Variants in PNMA8B observed in about 807,000 individuals in gnomAD.
The protein encoded by PNMA8B is PNMA family member 8B.
For synonymous variants in PNMA8B, 386 were observed against 394.9 expected, an observed-to-expected ratio of 0.98 and a Z score of 0.27; for missense variants, 887 against 885.8, an observed-to-expected ratio of 1.00 and a Z score of -0.02.
chr19:46,493,869 G>C lies in PNMA8B; in HGVS notation c.1597C>G (p.Pro533Ala). ...SEPEDRASRK[P>A]RAKRARTAPR... is the part of the protein sequence containing the mutation. ...GCCGTGCGCGCCCTCTTGGCCCGGG[G>C]CTTCCTGGATGCCCTGTCCTCCGGC... Residue 533 changes from proline (P) to alanine (A), a missense_variant, in exon 1 of 1, where the codon CCC becomes GCC. By Grantham distance (27) the Pro-to-Ala change is conservative (BLOSUM62 -1). Transcript: ENST00000599531. The surrounding 1 kb of genome is among the most constrained non-coding windows in gnomAD (Gnocchi z 5.3). 1 of 1,526,442 alleles carries C rather than the reference G, an allele frequency of 6.6e-7. No homozygotes were observed. The highest frequency in any genetic ancestry group is 8.8e-7 in the Non-Finnish European group (1 of 1,140,844). The allele number at this position is 1,526,442 out of a possible 1,614,324, so 94.6% of individuals were successfully genotyped here. A position where few individuals can be genotyped will look rare whatever the true frequency, so the allele number is the denominator to read the frequency against.
Position 46,494,797 on chromosome 19 carries a change from C to T in PNMA8B, c.669G>A (p.Leu223=). The change falls in exon 1 of 1, where the codon CTG becomes CTA. Residue 223 remains leucine, a synonymous_variant. Coordinates refer to ENST00000599531, the MANE Select transcript of PNMA8B (RefSeq NM_020709.3). ...DLSGEEDQSA[L]YATLQAAARE... is the part of the protein sequence containing the mutation. ...TGGCAGCGGCCTGCAGCGTGGCGTA[C>T]AGCGCGCTCTGGTCCTCTTCTCCGC... The T allele has an allele frequency of 6.2e-7, 1 of 1,613,704 alleles. No individual in the cohort carries two copies. Among genetic ancestry groups the T allele is most frequent in the Non-Finnish European group, 8.5e-7 (1 of 1,179,838 alleles).
chr19:46,494,987 C>A lies in PNMA8B; in HGVS notation c.479G>T (p.Gly160Val), dbSNP rs372628659. The A allele has an allele frequency of 3.7e-5, 60 of 1,608,744 alleles. No homozygotes were observed. In the East Asian group the frequency reaches 4.2e-4, roughly 11 times the overall value. Reference sequence around the variant, plus strand: ...GGTTCTGTTTCTGCGACCCCGACGGCCCCTCCTTGGGTTCCTGGCTGCCCC... The same window carrying A: ...GGTTCTGTTTCTGCGACCCCGACGGACCCTCCTTGGGTTCCTGGCTGCCCC... The part of the protein sequence containing the change: ...LLGAARNPRR[G>V]RRGRRNRTRR... The change falls in exon 1 of 1, where the codon GGC becomes GTC. Residue 160 changes from glycine to valine, a missense_variant. Gly to Val is a moderately radical substitution (Grantham distance 109). Transcript: ENST00000599531.
rs1279845168 is a variant in PNMA8B, at chr19:46,494,461, A to G, written c.1005T>C (p.Ile335=). The change falls in exon 1 of 1, where the codon ATT becomes ATC. Residue 335 remains isoleucine, a synonymous_variant. Transcript: ENST00000599531. ...GGTCCGACGGGTCGGTATAGGCCAC[A>G]ATGGCCACGAACTCAGGATTATCCA... The part of the protein sequence containing the change: ...EELDNPEFVA[I]VAYTDPSDPW... 6.2e-7 allele frequency: 1 copy of G among 1,613,832 alleles called. No individual in the cohort carries two copies. The highest frequency in any genetic ancestry group is 8.5e-7 in the Non-Finnish European group (1 of 1,179,900).
chr19:46,494,441 G>C lies in PNMA8B; in HGVS notation c.1025C>G (p.Ser342Trp), dbSNP rs370008319. 3.3e-5 allele frequency: 54 copies of C among 1,613,850 alleles called. No homozygotes were observed. Among genetic ancestry groups the C allele is most frequent in the Admixed American group, 1.8e-4 (11 of 60,010 alleles). ...FVAIVAYTDPSDPWAREEMLK... is the reference protein window; with the variant it reads ...FVAIVAYTDPWDPWAREEMLK... Reference sequence around the variant, plus strand: ...CATCTCCTCCCGGGCCCAGGGGTCCGACGGGTCGGTATAGGCCACAATGGC... The same window carrying C: ...CATCTCCTCCCGGGCCCAGGGGTCCCACGGGTCGGTATAGGCCACAATGGC... The change falls in exon 1 of 1, where the codon TCG becomes TGG. Residue 342 changes from serine (S) to tryptophan (W), a missense_variant. Transcript: ENST00000599531.
In PNMA8B at chr19:46,494,142, G is replaced by C. The variant is rs2147485502; in HGVS notation, c.1324C>G (p.Arg442Gly). Residue 442 changes from arginine (R) to glycine (G), a missense_variant, in exon 1 of 1, where the codon CGT becomes GGT. Coordinates refer to ENST00000599531, the MANE Select transcript of PNMA8B (RefSeq NM_020709.3). Reference sequence around the variant, plus strand: ...TCCAGAAGACCCCCTTCGTCCTCACGGTGCTCGCTCCAGCCCCCGAAGAGG... The same window carrying C: ...TCCAGAAGACCCCCTTCGTCCTCACCGTGCTCGCTCCAGCCCCCGAAGAGG... ...RGLFGGWSEH[R>G]EDEGGLLELV... The C allele has an allele frequency of 6.2e-7, 1 of 1,610,994 alleles. No homozygotes were observed.
Position 46,493,449 on chromosome 19 carries a change from G to A in PNMA8B, c.*109C>T. ...CGGCCCGGGCGCGCTGTGAAGCGAG[G>A]AGATTGCGTCTGCGGAGGACAGGAA... is the stretch of plus-strand genomic sequence containing the variant. On this transcript the variant is annotated 3_prime_UTR_variant, in exon 1 of 1. Coordinates refer to ENST00000599531, the MANE Select transcript of PNMA8B (RefSeq NM_020709.3). The surrounding 1 kb of genome is among the most constrained non-coding windows in gnomAD (Gnocchi z 5.3). The A allele has an allele frequency of 4.4e-6, 3 of 674,282 alleles. No individual in the cohort carries two copies. Among genetic ancestry groups the A allele is most frequent in the Non-Finnish European group, 6.2e-6 (3 of 480,748 alleles). The allele number at this position is 674,282 out of a possible 1,614,324, so 41.8% of individuals were successfully genotyped here. A position where few individuals can be genotyped will look rare whatever the true frequency, so the allele number is the denominator to read the frequency against.
At position 46,493,986 on chromosome 19, in the gene PNMA8B, G is replaced by A; in HGVS notation, c.1480C>T (p.Arg494Trp). 4 of 1,613,684 alleles carry A rather than the reference G, an allele frequency of 2.5e-6. No homozygotes were observed. The highest frequency in any genetic ancestry group is 1.7e-5 in the Admixed American group (1 of 60,028). The change falls in exon 1 of 1, where the codon CGG becomes TGG. Residue 494 changes from arginine to tryptophan, a missense_variant. Transcript: ENST00000599531. The surrounding 1 kb of genome is among the most constrained non-coding windows in gnomAD (Gnocchi z 5.3). ...CCCTCGTTGGACCCCATGTTCTCCC[G>A]GGCGGCCAGGAGCGCCAATACCTCC... ...LGEVLALLAA[R>W]ENMGSNEGSE...
Position 46,495,576 on chromosome 19 carries a change from TC to T in PNMA8B, c.-112del. The T allele has an allele frequency of 7.2e-7, 1 of 1,392,080 alleles. No individual in the cohort carries two copies. Among genetic ancestry groups the T allele is most frequent in the Non-Finnish European group, 9.5e-7 (1 of 1,047,390 alleles). The allele number at this position is 1,392,080 out of a possible 1,614,324, so 86.2% of individuals were successfully genotyped here. A position where few individuals can be genotyped will look rare whatever the true frequency, so the allele number is the denominator to read the frequency against. ...AGAAAGCCACTTGCAGGGCTTAGAG[TC>T]CCGGTTCCGGTGAATGTGGCAAGGC... On this transcript the variant is annotated 5_prime_UTR_variant, in exon 1 of 1. Transcript: ENST00000599531.
In PNMA8B at chr19:46,491,991, C is replaced by A. The variant is rs1457878771; in HGVS notation, c.*1567G>T. The stretch of plus-strand genomic sequence containing the variant: ...TGCTGTGCCCAGCTCAAGGTACACC[C>A]AGCCTGGTCCTCAGTGGGTGGGTCA... On this transcript the variant is annotated 3_prime_UTR_variant, in exon 1 of 1. Transcript: ENST00000599531. 1.3e-5 allele frequency: 3 copies of A among 222,646 alleles called. No individual in the cohort carries two copies. The highest frequency in any genetic ancestry group is 1.9e-5 in the Non-Finnish European group (2 of 103,078). The allele number at this position is 222,646 out of a possible 1,614,324, so 13.8% of individuals were successfully genotyped here.
rs1475454388 is a variant in PNMA8B at position 46,492,965 on chromosome 19, T to C, written c.*593A>G. 3 of 139,092 alleles carry C rather than the reference T, an allele frequency of 2.2e-5. No individual in the cohort carries two copies. In the Admixed American group the frequency reaches 2.3e-4, roughly 11 times the overall value. 8.6% of individuals were successfully genotyped at this position (139,092 alleles called of 1,614,324 possible). A position where few individuals can be genotyped will look rare whatever the true frequency, so the allele number is the denominator to read the frequency against. ...CCCTTCTCCCACCGTTCCTCTCCCC[T>C]TTCCTCCTCCTCCCCTTCCCAACCG... On this transcript the variant is annotated 3_prime_UTR_variant, in exon 1 of 1. Transcript: ENST00000599531.
At position 46,494,274 on chromosome 19, in the gene PNMA8B, C is replaced by T; in HGVS notation, c.1192G>A (p.Asp398Asn). Reference sequence around the variant, plus strand: ...CCGGCCTTGCGCAGGACCACGGCGTCCACCTCGCGGCCCGCCTCTTCCACC... The same window carrying T: ...CCGGCCTTGCGCAGGACCACGGCGTTCACCTCGCGGCCCGCCTCTTCCACC... ...VKVEEAGREV[D>N]AVVLRKAGDD... The change falls in exon 1 of 1, where the codon GAC becomes AAC. Residue 398 changes from aspartate to asparagine, a missense_variant. Coordinates refer to ENST00000599531, the MANE Select transcript of PNMA8B (RefSeq NM_020709.3). The T allele has an allele frequency of 3.1e-6, 5 of 1,610,494 alleles. No individual in the cohort carries two copies. The highest frequency in any genetic ancestry group is 3.4e-6 in the Non-Finnish European group (4 of 1,179,518).
rs1269981838 is a variant in PNMA8B at position 46,492,700 on chromosome 19, C to T, written c.*858G>A. 1 of 152,454 alleles carries T rather than the reference C, an allele frequency of 6.6e-6. No individual in the cohort carries two copies. The allele number at this position is 152,454 out of a possible 1,614,324, so 9.4% of individuals were successfully genotyped here. A position where few individuals can be genotyped will look rare whatever the true frequency, so the allele number is the denominator to read the frequency against. ...GGGAGCCACAGCCTATGGGAGGGGC[C>T]AGGGCCCACTCAGCCCAGAAGAACC... On this transcript the variant is annotated 3_prime_UTR_variant, in exon 1 of 1. Transcript: ENST00000599531.
In PNMA8B at chr19:46,495,363, C is replaced by T. The variant is rs770704406; in HGVS notation, c.103G>A (p.Val35Ile). The T allele has an allele frequency of 7.7e-6, 10 of 1,296,190 alleles. No homozygotes were observed. The highest frequency in any genetic ancestry group is 4.6e-5 in the East Asian group (2 of 43,472). The allele number at this position is 1,296,190 out of a possible 1,614,324, so 80.3% of individuals were successfully genotyped here. A position where few individuals can be genotyped will look rare whatever the true frequency, so the allele number is the denominator to read the frequency against. ...AGGGTCGGCTGCAGGACGGCTTCGA[C>T]GTCTGCCTGCTCCAGGCCCTCCGGG... is the stretch of plus-strand genomic sequence containing the variant. ...GIPEGLEQAD[V>I]EAVLQPTLLP... Residue 35 changes from valine (V) to isoleucine (I), a missense_variant, in exon 1 of 1, where the codon GTC becomes ATC. Coordinates refer to ENST00000599531, the MANE Select transcript of PNMA8B (RefSeq NM_020709.3).
rs377681319 is a variant in PNMA8B, at chr19:46,494,133, C to T, written c.1333G>A (p.Glu445Lys). 2 of 1,611,434 alleles carry T rather than the reference C, an allele frequency of 1.2e-6. No homozygotes were observed. The highest frequency in any genetic ancestry group is 1.7e-6 in the Non-Finnish European group (2 of 1,179,848). ...FGGWSEHRED[E>K]GGLLELVALL... The stretch of plus-strand genomic sequence containing the variant: ...GCCACCAGCTCCAGAAGACCCCCTT[C>T]GTCCTCACGGTGCTCGCTCCAGCCC... Residue 445 changes from glutamate to lysine, a missense_variant, in exon 1 of 1, where the codon GAA becomes AAA. Coordinates refer to ENST00000599531, the MANE Select transcript of PNMA8B (RefSeq NM_020709.3).
Position 46,495,229 on chromosome 19 carries a change from G to A in PNMA8B, c.237C>T (p.Pro79=). The part of the protein sequence containing the change: ...FVEDVNHAAI[P]REIPGKDGVW... ...CCCCATCCTTGCCTGGGATCTCCCT[G>A]GGAATGGCAGCGTGATTGACGTCCT... The change falls in exon 1 of 1, where the codon CCC becomes CCT. Residue 79 remains proline, a synonymous_variant. Coordinates refer to ENST00000599531, the MANE Select transcript of PNMA8B (RefSeq NM_020709.3). 1 of 1,606,550 alleles carries A rather than the reference G, an allele frequency of 6.2e-7. No homozygotes were observed. Among genetic ancestry groups the A allele is most frequent in the Non-Finnish European group, 8.5e-7 (1 of 1,173,148 alleles).
chr19:46,494,766 G>T lies in PNMA8B; in HGVS notation c.700C>A (p.Leu234Met). Reference sequence around the variant, plus strand: ...TTGCAGGGCGCCCACTGCCTAACCAGCTCCCTGGCAGCGGCCTGCAGCGTG... The same window carrying T: ...TTGCAGGGCGCCCACTGCCTAACCATCTCCCTGGCAGCGGCCTGCAGCGTG... ...YATLQAAARELVRQWAPCNSE... is the reference protein window; with the variant it reads ...YATLQAAAREMVRQWAPCNSE... Residue 234 changes from leucine to methionine, a missense_variant, in exon 1 of 1, where the codon CTG becomes ATG. Transcript: ENST00000599531. 1 of 1,613,832 alleles carries T rather than the reference G, an allele frequency of 6.2e-7. No homozygotes were observed.
rs1291232872 is a variant in PNMA8B at position 46,492,176 on chromosome 19, G to C, written c.*1382C>G. 1 of 429,330 alleles carries C rather than the reference G, an allele frequency of 2.3e-6. No individual in the cohort carries two copies. Among genetic ancestry groups the C allele is most frequent in the East Asian group, 7.7e-5 (1 of 12,916 alleles). 26.6% of individuals were successfully genotyped at this position (429,330 alleles called of 1,614,324 possible). On this transcript the variant is annotated 3_prime_UTR_variant, in exon 1 of 1. Transcript: ENST00000599531. ...TCCTATTCCTTCCCAGGGACAAGTG[G>C]GGCAGGGCCCCCTGGCACGATGGGC... is the stretch of plus-strand genomic sequence containing the variant.
In PNMA8B at chr19:46,495,102, C is replaced by T; in HGVS notation, c.364G>A (p.Gly122Arg). Residue 122 changes from glycine to arginine, a missense_variant, in exon 1 of 1, where the codon GGG becomes AGG. Gly to Arg is a moderately radical substitution (Grantham distance 125). Transcript: ENST00000599531. ...DDGPTQAAEA[G>R]TPGEAPTPPA... is the part of the protein sequence containing the mutation. ...GGGGTGGGTGCCTCCCCGGGGGTCC[C>T]AGCCTCCGCGGCCTGCGTGGGCCCG... is the stretch of plus-strand genomic sequence containing the variant. 6.2e-7 allele frequency: 1 copy of T among 1,613,450 alleles called. No individual in the cohort carries two copies. The highest frequency in any genetic ancestry group is 1.1e-5 in the South Asian group (1 of 91,076).
chr19:46,494,506 C>T lies in PNMA8B; in HGVS notation c.960G>A (p.Gly320=), dbSNP rs778895526. 2 of 1,614,048 alleles carry T rather than the reference C, an allele frequency of 1.2e-6. No homozygotes were observed. The highest frequency in any genetic ancestry group is 1.3e-5 in the African/African-American group (1 of 75,062). The change falls in exon 1 of 1, where the codon GGG becomes GGA. Residue 320 remains glycine, a synonymous_variant. Coordinates refer to ENST00000599531, the MANE Select transcript of PNMA8B (RefSeq NM_020709.3). ...DTSESDSQES[G]DQETEELDNP... ...TATCCAACTCCTCTGTTTCTTGGTC[C>T]CCACTTTCCTGCGAGTCGCTCTCCG... is the stretch of plus-strand genomic sequence containing the variant.
Sources: gnomAD v4.1 joint callset for allele counts on GRCh38, gnomAD v4.1.1 for gene constraint, Gnocchi (gnomAD v3.1) non-coding constraint, MANE v1.5 for transcripts, NCBI Gene and HGNC (gene_info 2026-07-23, HGNC 2026-07-21) for gene names.